The following DAB1 variants were observed in gnomAD, a reference collection of about 807,000 sequenced individuals.
DAB1 encodes disabled homolog 1.
In DAB1, 15 loss-of-function variants were observed where a neutral mutation model predicts 64.6. The observed-to-expected ratio is 0.23, with a 90% CI of 0.16 to 0.36. The LOEUF is 0.36. Among genes scored for constraint, DAB1 ranks in the 10% least tolerant of loss-of-function variants. DAB1 has a pLI of 1.00. For synonymous variants in DAB1, 235 were observed against 251.9 expected, an observed-to-expected ratio of 0.93 and a Z score of 0.64; for missense variants, 596 against 706.7, an observed-to-expected ratio of 0.84 and a Z score of 1.78.
intron 3 of DAB1, among the ~76,000 whole-genome samples, chr1:58,387,240 C>G (rs989600703): frequency 1.3e-5 from 2 of 152,196 alleles, no homozygotes; most frequent in Admixed American, 6.5e-5. Flanking sequence ...GGTTCCCCTC[C>G]ACTCTCTGAA....
Position 57,190,108 on chromosome 1 carries a change from A to G in DAB1, c.68-44679T>C, listed in dbSNP as rs558510141. 2.6e-5 allele frequency among the ~76,000 whole-genome samples: 4 copies of G among 152,232 alleles called. No individual in the cohort carries two copies. The East Asian group carries it at 7.7e-4, about 29-fold the overall frequency. ...CTGAGTGTGCATTAGAATCACCTGG[A>G]GGGCTTGTTAAGGAAGAGATTGCTG... On this transcript the variant is annotated intron_variant, in intron 2 of 14. Coordinates refer to ENST00000371236, the MANE Select transcript of DAB1 (RefSeq NM_001365792.1).
At chr1:57,072,596 G>T (rs2100599424) in intron 4 of DAB1, among the ~76,000 whole-genome samples, 182 bp from the exon 5 acceptor site, 1 of 152,310 alleles carries the variant, frequency 6.6e-6, no homozygotes, top group East Asian at 1.9e-4. Context: ...TCCCTCTATG[G>T]TCTTAATGCT....
At chr1:58,091,065 T>A (rs949069843) in intron 5 of DAB1, among the ~76,000 whole-genome samples, 3 of 152,192 alleles carry the variant, frequency 2.0e-5, no homozygotes, top group Admixed American at 6.5e-5. Flanking sequence ...CCTGTTTGCA[T>A]TAGCAATTTC....
At chr1:57,285,181 C>G (rs981878271) in intron 2 of DAB1, among the ~76,000 whole-genome samples, 4 of 152,206 alleles carry the variant, frequency 2.6e-5, no homozygotes, top group African/African-American at 4.8e-5. Flanking sequence ...AAGAAGAGGA[C>G]AGAGCACTAA....
In DAB1 at chr1:57,955,223, AGGC is replaced by A. The variant is rs1645364212; in HGVS notation, n.388-71064_388-71062del. Among the ~76,000 whole-genome samples the A allele has an allele frequency of 2.0e-5, 3 of 152,236 alleles. No homozygotes were observed. The South Asian group carries it at 6.2e-4, about 32-fold the overall frequency. ...CCTCTCTGATGTGCCATGAACCTTG[AGGC>A]TCATGGCAGGTCTCCTCCCTCCTGA... On this transcript the variant is annotated intron_variant and non_coding_transcript_variant, in intron 5 of 20. Transcript: ENST00000485760.
At chr1:57,150,736 G>A (rs1659576567) in intron 2 of DAB1, among the ~76,000 whole-genome samples, 1 of 152,182 alleles carries the variant, frequency 6.6e-6, no homozygotes, top group Non-Finnish European at 1.5e-5. Context: ...AAGAGGTAGG[G>A]AAGAAGGTGA....
intron 5 of DAB1, among the ~76,000 whole-genome samples, chr1:58,027,595 T>G (rs1460458419): frequency 3.3e-5 from 5 of 152,110 alleles, no homozygotes; most frequent in African/African-American, 7.2e-5. Flanking sequence ...ATATTAGGGT[T>G]GAGGAAAGAG....
At chr1:58,294,701 A>T (rs1661927444) in intron 4 of DAB1, among the ~76,000 whole-genome samples, 2 of 152,178 alleles carry the variant, frequency 1.3e-5, no homozygotes, top group Admixed American at 1.3e-4. Context: ...CAGCCAGCAC[A>T]GAGTGGGGAA....
chr1:57,209,229 G>C (rs145376970), intron 2 of DAB1, among the ~76,000 whole-genome samples: 1 of 152,212 alleles, frequency 6.6e-6, no homozygotes, highest in Non-Finnish European at 1.5e-5. Flanking sequence ...ACTGCACTGA[G>C]TGTTTCTAGC....
chr1:57,546,201 A>G (rs2101463681), intron 7 of DAB1, among the ~76,000 whole-genome samples: 1 of 152,254 alleles, frequency 6.6e-6, no homozygotes, highest in East Asian at 1.9e-4. Flanking sequence ...GATGAGCAAA[A>G]CAGTCATGGA....
intron 5 of DAB1, among the ~76,000 whole-genome samples, chr1:58,033,964 G>C (rs1416546385): frequency 6.6e-6 from 1 of 152,154 alleles, no homozygotes; most frequent in African/African-American, 2.4e-5. Flanking sequence ...AGTGGCGAGA[G>C]TTGTAATTCT....
chr1:58,113,531 A>T (rs74991773), intron 5 of DAB1, among the ~76,000 whole-genome samples: 1 of 152,158 alleles, frequency 6.6e-6, no homozygotes, highest in Non-Finnish European at 1.5e-5. Context: ...GGCAAAAAAA[A>T]CTTCTGTGTA....
chr1:58,370,771 A>T (rs1200017892), intron 3 of DAB1, among the ~76,000 whole-genome samples: 1 of 152,066 alleles, frequency 6.6e-6, no homozygotes, highest in Non-Finnish European at 1.5e-5. Context: ...ATGAGATTTG[A>T]TGGTTTTTAT....
At chr1:58,038,625 C>T (rs1647084552) in intron 5 of DAB1, among the ~76,000 whole-genome samples, 1 of 151,528 alleles carries the variant, frequency 6.6e-6, no homozygotes, top group African/African-American at 2.4e-5. Context: ...AAAGAGAGAC[C>T]TGCCCTGATG....
chr1:58,424,872 G>A (rs1273885118), intron 3 of DAB1, among the ~76,000 whole-genome samples: 1 of 152,084 alleles, frequency 6.6e-6, no homozygotes, highest in Non-Finnish European at 1.5e-5. Context: ...CTGTTTTGAG[G>A]AGCACTGAAA....
intron 2 of DAB1, among the ~76,000 whole-genome samples, chr1:57,200,311 C>T (rs922622750): frequency 2.6e-5 from 4 of 152,186 alleles, no homozygotes; most frequent in African/African-American, 7.2e-5. Context: ...ATGTGCCAGG[C>T]ACTATTCTAG....
intron 6 of DAB1, among the ~76,000 whole-genome samples, chr1:57,660,765 G>A (rs184174917): frequency 2.4e-4 from 37 of 152,280 alleles, no homozygotes; most frequent in Non-Finnish European, 3.7e-4. Flanking sequence ...AGCAAAGGGG[G>A]AGGATATAAA....
chr1:57,863,727 A>G (rs762821277), intron 1 of DAB1, among the ~76,000 whole-genome samples: 7 of 152,184 alleles, frequency 4.6e-5, no homozygotes, highest in Non-Finnish European at 1.0e-4. Context: ...TGGAGTGGGT[A>G]GCATTTAAAG....
chr1:57,900,785 G>A (rs897779720), intron 5 of DAB1, among the ~76,000 whole-genome samples: 2 of 152,104 alleles, frequency 1.3e-5, no homozygotes, highest in African/African-American at 4.8e-5. Flanking sequence ...CCTGTTTCCT[G>A]CTTCTAAGAG....
Sources: allele counts gnomAD v4.1 joint callset (sites outside exome capture counted in the v4.1 genomes callset), GRCh38; gene constraint gnomAD v4.1.1; transcripts MANE v1.5; gene names NCBI Gene and HGNC (gene_info 2026-07-23, HGNC 2026-07-21).